BICRAL: variants seen among roughly 807,000 people sequenced by gnomAD.
The protein encoded by BICRAL is BICRA like chromatin remodeling complex associated protein, also known as BRD4-interacting chromatin-remodeling complex-associated protein-like.
A neutral mutation model predicts 91.8 loss-of-function variants in BICRAL; 8 were observed. The ratio of observed to expected loss-of-function variants is 0.09; its 90% CI spans 0.05 to 0.16. The LOEUF (loss-of-function observed/expected upper bound fraction) is 0.16. Ranked by LOEUF, BICRAL falls within the 10% of genes least tolerant of loss-of-function variation. The probability of loss-of-function intolerance (pLI) is 1.00; values close to 1 mark genes in which losing one functional copy is unlikely to be tolerated. For synonymous variants in BICRAL, 445 were observed against 491.1 expected, an observed-to-expected ratio of 0.91 and a Z score of 1.24; for missense variants, 1,038 against 1,310.9, an observed-to-expected ratio of 0.79 and a Z score of 3.21.
chr6:42,822,749 A>G (rs746856367), intron 3 of BICRAL, 47 bp from the exon 4 acceptor site: 7 of 984,858 alleles, frequency 7.1e-6, no homozygotes, highest in South Asian at 4.1e-5. Flanking sequence ...AAATATAGAT[A>G]GTATATTTGT....
chr6:42,860,258 A>G lies in BICRAL; in HGVS notation c.2255-4A>G. 1 of 1,560,506 alleles carries G rather than the reference A, an allele frequency of 6.4e-7. No homozygotes were observed. Among genetic ancestry groups the G allele is most frequent in the Non-Finnish European group, 8.8e-7 (1 of 1,132,304 alleles). ...ACTATTTCTTTGTCTCTCTCTTTTT[A>G]AAGTGGACAATGAATTTGAGACAGT... On this transcript the variant is annotated splice_region_variant and splice_polypyrimidine_tract_variant and intron_variant, in intron 10 of 12. Transcript: ENST00000314073.
chr6:42,807,996 A>C (rs1307088513), intron 1 of BICRAL, among the ~76,000 whole-genome samples: 1 of 152,160 alleles, frequency 6.6e-6, no homozygotes, highest in Admixed American at 6.6e-5. Flanking sequence ...CACAGTCTCC[A>C]TACAAAACAC....
intron 1 of BICRAL, among the ~76,000 whole-genome samples, chr6:42,765,269 G>A (rs749067986): frequency 5.3e-5 from 8 of 152,202 alleles, no homozygotes; most frequent in African/African-American, 2.4e-5. Context: ...TTTGGAGGAC[G>A]GAATAATGGC....
chr6:42,816,681 C>A (rs754355222), intron 2 of BICRAL, among the ~76,000 whole-genome samples: 1 of 152,006 alleles, frequency 6.6e-6, no homozygotes, highest in Non-Finnish European at 1.5e-5. Context: ...ATCTTACATG[C>A]ATGTGGCACA....
chr6:42,856,366 CTTTTTTTTT>C (rs556976712), intron 9 of BICRAL, among the ~76,000 whole-genome samples: 35 of 68,140 alleles, frequency 5.1e-4, no homozygotes, highest in African/African-American at 2.8e-3. Flanking sequence ...CTTTCTTTTC[CTTTTTTTTT>C]TTTTTTTTTT....
At position 42,857,111 on chromosome 6, in the gene BICRAL, G is replaced by A. The variant is rs1035470819; in HGVS notation, c.2129G>A (p.Arg710Lys). The A allele has an allele frequency of 9.3e-6, 15 of 1,613,406 alleles. No individual in the cohort carries two copies. The highest frequency in any genetic ancestry group is 1.2e-5 in the Non-Finnish European group (14 of 1,179,580). The change falls in exon 10 of 13, where the codon AGG becomes AAG. Residue 710 changes from arginine to lysine, a missense_variant. Physicochemically the swap from Arg to Lys is conservative, Grantham distance 26. Transcript: ENST00000314073. ...KGAFILQQLQ[R>K]DQAHTVTPDK... ...TAAAGCATTCTCCAGCAGTTGCAGA[G>A]GGACCAAGCCCACACTGTGACACCA...
At chr6:42,816,875 G>A (rs1047534942) in intron 2 of BICRAL, among the ~76,000 whole-genome samples, 3 of 151,752 alleles carry the variant, frequency 2.0e-5, no homozygotes, top group African/African-American at 4.8e-5. Flanking sequence ...TTAGCTGGGC[G>A]TGGTGGTGGG....
intron 2 of BICRAL, among the ~76,000 whole-genome samples, chr6:42,811,406 A>G (rs1366035391): frequency 4.6e-5 from 7 of 152,072 alleles, no homozygotes; most frequent in Non-Finnish European, 1.0e-4. Context: ...GCAGATCACG[A>G]GGTCGAGAGA....
At chr6:42,843,489 A>C (rs1339417751) in intron 6 of BICRAL, among the ~76,000 whole-genome samples, 1 of 152,210 alleles carries the variant, frequency 6.6e-6, no homozygotes, top group East Asian at 1.9e-4. Flanking sequence ...GTAGACCTAC[A>C]CTAGCAGTAT....
At chr6:42,830,317 AC>A in intron 6 of BICRAL, 145 bp downstream of exon 6, 1 of 795,404 alleles carries the variant, frequency 1.3e-6, no homozygotes, top group Non-Finnish European at 2.0e-6. Context: ...TGTAATCCCA[AC>A]ACTTTGGGAG....
At chr6:42,864,233 G>A (rs915460667) in intron 12 of BICRAL, among the ~76,000 whole-genome samples, 7 of 151,812 alleles carry the variant, frequency 4.6e-5, no homozygotes, top group Non-Finnish European at 7.4e-5. Flanking sequence ...CCAGCTACTC[G>A]AGAGGCTGAG....
At chr6:42,781,953 G>A (rs1582811890), upstream of BICRAL, 2 of 146,896 alleles carry the variant, frequency 1.4e-5, no homozygotes, top group South Asian at 3.6e-4. Context: ...GGGTGAGCGA[G>A]AGAGAGAGCG....
intron 6 of BICRAL, among the ~76,000 whole-genome samples, chr6:42,833,705 C>T (rs993765404): frequency 6.6e-6 from 1 of 151,858 alleles, no homozygotes; most frequent in South Asian, 2.1e-4. Context: ...GCCTCAGCCT[C>T]CCAATTTGTT....
intron 10 of BICRAL, among the ~76,000 whole-genome samples, chr6:42,859,804 G>C (rs1370924438): frequency 1.3e-5 from 2 of 151,866 alleles, no homozygotes; most frequent in African/African-American, 4.8e-5. Context: ...ACCACGCCCA[G>C]CTAATTTTTT....
chr6:42,863,774 C>A (rs1474108667), intron 12 of BICRAL, among the ~76,000 whole-genome samples: 1 of 152,102 alleles, frequency 6.6e-6, no homozygotes. Context: ...ACACCTGTAA[C>A]CCCAGCACTT....
chr6:42,860,077 A>G (rs564793887), intron 10 of BICRAL, among the ~76,000 whole-genome samples, 185 bp from the exon 11 acceptor site: 56 of 152,356 alleles, frequency 3.7e-4, no homozygotes, highest in Non-Finnish European at 6.5e-4. Context: ...ACCAGTGGAC[A>G]GTGAGGGAAT....
intron 1 of BICRAL, among the ~76,000 whole-genome samples, chr6:42,747,805 G>GTTTTTTTTTTTTT (rs56209754): frequency 3.2e-5 from 4 of 125,310 alleles, no homozygotes; most frequent in Non-Finnish European, 5.1e-5. Flanking sequence ...GTTTTATTTT[G>GTTTTTTTTTTTTT]TTTTTTTTTT....
intron 2 of BICRAL, among the ~76,000 whole-genome samples, chr6:42,812,699 T>C (rs1410622561): frequency 6.6e-6 from 1 of 152,052 alleles, no homozygotes; most frequent in Non-Finnish European, 1.5e-5. Flanking sequence ...TGAAGATATA[T>C]GAATAGAAGC....
chr6:42,817,784 AAAT>A lies in BICRAL; in HGVS notation c.-5-4223_-5-4221del, dbSNP rs1261164475. ...CCTTTGTTAAAACCAATTAATACTAAAATAATAATAATACTGCCCTGGATATTC... is the reference window on the plus strand; with the variant it reads ...CCTTTGTTAAAACCAATTAATACTAAAATAATAATACTGCCCTGGATATTC... On this transcript the variant is annotated intron_variant, in intron 2 of 12. Coordinates refer to ENST00000314073, the MANE Select transcript of BICRAL (RefSeq NM_001393499.1). Among the ~76,000 whole-genome samples, 5 of 152,052 alleles carry A rather than the reference AAAT, an allele frequency of 3.3e-5. No individual in the cohort carries two copies. The South Asian group carries it at 6.2e-4, about 19-fold the overall frequency.
Sources: allele counts gnomAD v4.1 joint callset (sites outside exome capture counted in the v4.1 genomes callset), GRCh38; gene constraint gnomAD v4.1.1; transcripts MANE v1.5; gene names NCBI Gene and HGNC (gene_info 2026-07-23, HGNC 2026-07-21).